ASIC5: variants seen among roughly 807,000 people sequenced by gnomAD.
ASIC5 encodes bile acid-sensitive ion channel.
In ASIC5, 52 loss-of-function variants were observed where a neutral mutation model predicts 51.2. The observed-to-expected ratio is 1.02, with a 90% CI of 0.81 to 1.28. The LOEUF is 1.28. Ranked by LOEUF, ASIC5 falls within the 50% of genes most tolerant of loss-of-function variation. ASIC5 has a pLI of 0.00. For synonymous variants in ASIC5, 231 were observed against 200.7 expected (o/e 1.15, Z -1.28); for missense variants, 635 against 595.0 (o/e 1.07, Z -0.70).
intron 6 of ASIC5, among the ~76,000 whole-genome samples, chr4:155,839,129 A>G (rs1741060375): frequency 6.6e-6 from 1 of 152,118 alleles, no homozygotes; most frequent in African/African-American, 2.4e-5. Flanking sequence ...AAAATCTTTA[A>G]GCGGGAATAA....
intron 8 of ASIC5, among the ~76,000 whole-genome samples, chr4:155,832,297 T>G (rs1230942348): frequency 6.6e-6 from 1 of 152,210 alleles, no homozygotes; most frequent in Non-Finnish European, 1.5e-5. Flanking sequence ...CATGGTTTCC[T>G]CAAGAGTAGT....
chr4:155,829,983 A>G lies in ASIC5; in HGVS notation c.1391T>C (p.Ile464Thr), dbSNP rs770754237. The G allele has an allele frequency of 1.6e-5, 25 of 1,600,158 alleles. No individual in the cohort carries two copies. In the Middle Eastern group the frequency reaches 7.2e-4, roughly 46 times the overall value. ...GASLITIIEIIEYLFTNFYWI... is the reference protein window; with the variant it reads ...GASLITIIEITEYLFTNFYWI... ...GTAGAAATTGGTGAATAGATATTCA[A>G]TAATTTCTATGATCGTGATCAGACT... The change falls in exon 10 of 10, where the codon ATT becomes ACT. Residue 464 changes from isoleucine (I) to threonine (T), a missense_variant. By Grantham distance (89) the Ile-to-Thr change is moderately conservative. Coordinates refer to ENST00000537611, the MANE Select transcript of ASIC5 (RefSeq NM_017419.3).
intron 3 of ASIC5, among the ~76,000 whole-genome samples, chr4:155,852,822 A>C (rs1027660729): frequency 6.6e-6 from 1 of 151,982 alleles, no homozygotes; most frequent in African/African-American, 2.4e-5. Context: ...TCAAGAATTG[A>C]TATGTGTCCC....
chr4:155,835,709 A>G (rs2111227385), intron 8 of ASIC5, among the ~76,000 whole-genome samples: 1 of 152,300 alleles, frequency 6.6e-6, no homozygotes, highest in South Asian at 2.1e-4. Flanking sequence ...ATAATTGTAA[A>G]TTTTACAGCC....
intron 2 of ASIC5, 29 bp from the exon 3 acceptor site, chr4:155,854,343 G>C: frequency 2.1e-6 from 3 of 1,404,406 alleles, no homozygotes; most frequent in Non-Finnish European, 3.0e-6. Flanking sequence ...GCAATAGTTA[G>C]AATAATGAAA....
At position 155,836,803 on chromosome 4, in the gene ASIC5, G is replaced by T; in HGVS notation, c.1121C>A (p.Pro374His). The T allele has an allele frequency of 6.2e-7, 1 of 1,609,156 alleles. No individual in the cohort carries two copies. The highest frequency in any genetic ancestry group is 8.5e-7 in the Non-Finnish European group (1 of 1,175,746). The change falls in exon 8 of 10, where the codon CCC becomes CAC. Residue 374 changes from proline (P) to histidine (H), a missense_variant. Pro to His is a moderately conservative substitution (Grantham distance 77, BLOSUM62 -2). Coordinates refer to ENST00000537611, the MANE Select transcript of ASIC5 (RefSeq NM_017419.3). ...CTVGTHNSSCPVSCEEIEYPA... is the reference protein window; with the variant it reads ...CTVGTHNSSCHVSCEEIEYPA... ...GTATTCTATTTCTTCACAAGAAACG[G>T]GGCAGCTAGAGTTATGTGTTCCTAC...
chr4:155,857,322 C>T (rs969133890), intron 2 of ASIC5, among the ~76,000 whole-genome samples: 1 of 151,972 alleles, frequency 6.6e-6, no homozygotes, highest in African/African-American at 2.4e-5. Flanking sequence ...CAGAGTTTTA[C>T]CATGTTGCCT....
chr4:155,831,829 A>T lies in ASIC5; in HGVS notation c.1322T>A (p.Leu441Ter). The T allele has an allele frequency of 6.3e-7, 1 of 1,579,444 alleles. No individual in the cohort carries two copies. The highest frequency in any genetic ancestry group is 8.7e-7 in the Non-Finnish European group (1 of 1,149,810). ...QQQKAVSVSE[L>*]LADLGGQLGL... ...AGCAATTAAATAACACTTACCAAGT[A>T]ACTCAGACACACTCACCGCCTTTTG... Residue 441 changes from leucine to a stop codon, truncating the protein, a stop_gained, in exon 9 of 10, where the codon TTA (leucine) becomes TAA (stop). Coordinates refer to ENST00000537611, the MANE Select transcript of ASIC5 (RefSeq NM_017419.3). LOFTEE classifies it high-confidence loss of function.
intron 3 of ASIC5, 64 bp from the exon 4 acceptor site, chr4:155,852,380 G>A: frequency 1.3e-6 from 2 of 1,481,996 alleles, no homozygotes; most frequent in Non-Finnish European, 9.1e-7. Context: ...TCTCAAGTTT[G>A]CCATAACCTT....
At chr4:155,839,358 C>CACACACAA (rs1467798266) in intron 6 of ASIC5, among the ~76,000 whole-genome samples, 1 of 146,226 alleles carries the variant, frequency 6.8e-6, no homozygotes, top group Non-Finnish European at 1.5e-5. Context: ...TACACACACA[C>CACACACAA]ACACACACAC....
intron 1 of ASIC5, 64 bp downstream of exon 1, chr4:155,866,118 CTCTTT>C (rs1485801411): frequency 1.0e-6 from 1 of 974,114 alleles, no homozygotes; most frequent in South Asian, 1.7e-5. Flanking sequence ...AAAAAAATCT[CTCTTT>C]TCTTACTTCT....
chr4:155,847,704 A>C (rs1741287570), intron 4 of ASIC5, among the ~76,000 whole-genome samples: 1 of 152,098 alleles, frequency 6.6e-6, no homozygotes, highest in African/African-American at 2.4e-5. Context: ...CTTAGGTGAC[A>C]GAGTGAGACT....
intron 2 of ASIC5, among the ~76,000 whole-genome samples, chr4:155,860,091 C>T (rs1318081878): frequency 2.6e-5 from 4 of 151,872 alleles, no homozygotes; most frequent in South Asian, 2.1e-4. Flanking sequence ...AAGGCTTCCA[C>T]ATTTTGGGTT....
intron 2 of ASIC5, among the ~76,000 whole-genome samples, chr4:155,857,500 T>C (rs1375117874): frequency 6.6e-6 from 1 of 152,086 alleles, no homozygotes; most frequent in Non-Finnish European, 1.5e-5. Context: ...AGAATTTGAC[T>C]TACTCTAATT....
In ASIC5 at chr4:155,863,713, G is replaced by A; in HGVS notation, c.82C>T (p.Leu28=). 1.9e-6 allele frequency: 3 copies of A among 1,613,816 alleles called. No homozygotes were observed. Among genetic ancestry groups the A allele is most frequent in the Non-Finnish European group, 2.5e-6 (3 of 1,179,864 alleles). ...KIKLCLSKKP[L]PSPTERKKFD... is the part of the protein sequence containing the mutation. ...TTCTTTCGCTCAGTGGGAGATGGCA[G>A]TGGTTTCTTTGAAAGGCAAAGCTTT... Residue 28 remains leucine, a synonymous_variant, in exon 2 of 10, where the codon CTG becomes TTG. Coordinates refer to ENST00000537611, the MANE Select transcript of ASIC5 (RefSeq NM_017419.3).
intron 3 of ASIC5, 149 bp from the exon 4 acceptor site, chr4:155,852,465 G>T (rs1349857005): frequency 2.1e-6 from 1 of 468,310 alleles, no homozygotes; most frequent in Non-Finnish European, 3.3e-6. Context: ...TGTGTATTCA[G>T]TGATAGTTTT....
intron 9 of ASIC5, among the ~76,000 whole-genome samples, chr4:155,831,141 C>T (rs1740861815): frequency 6.6e-6 from 1 of 152,126 alleles, no homozygotes; most frequent in African/African-American, 2.4e-5. Flanking sequence ...ATTTTGCTTC[C>T]TCAGGTTCTT....
rs374575463 is a variant in ASIC5, at chr4:155,841,484, G to A, written c.1009+723C>T. ...CACCTAGGGGAGAAATTGTAGAGCC[G>A]ACATGAGCAGCCTGGTTGAGATCCA... On this transcript the variant is annotated intron_variant, in intron 6 of 9. Transcript: ENST00000537611. Among the ~76,000 whole-genome samples, 5 of 152,208 alleles carry A rather than the reference G, an allele frequency of 3.3e-5. No individual in the cohort carries two copies. The East Asian group carries it at 9.7e-4, about 29-fold the overall frequency.
Position 155,843,673 on chromosome 4 carries a change from G to GT in ASIC5, c.861+7dup, listed in dbSNP as rs1560744412. 2 of 1,613,146 alleles carry GT rather than the reference G, an allele frequency of 1.2e-6. No homozygotes were observed. Among genetic ancestry groups the GT allele is most frequent in the South Asian group, 2.2e-5 (2 of 90,948 alleles). ...CCCCACCTAATTTCCTCAGACTCGA[G>GT]TATTTACCTTCACTTGGCGGATGGT... is the stretch of plus-strand genomic sequence containing the variant. On this transcript the variant is annotated splice_region_variant and intron_variant, in intron 5 of 9. Transcript: ENST00000537611.
Sources: allele counts gnomAD v4.1 joint callset (sites outside exome capture counted in the v4.1 genomes callset), GRCh38; gene constraint gnomAD v4.1.1; transcripts MANE v1.5; gene names NCBI Gene and HGNC (gene_info 2026-07-23, HGNC 2026-07-21).